PTPRK: variants seen among roughly 807,000 people sequenced by gnomAD.
PTPRK encodes protein tyrosine phosphatase receptor type K, also known as receptor-type tyrosine-protein phosphatase kappa.
A neutral mutation model predicts 178.0 loss-of-function variants in PTPRK; 75 were observed. The observed-to-expected ratio is 0.42, with a 90% CI of 0.35 to 0.51. PTPRK has a LOEUF of 0.51. Ranked by LOEUF, PTPRK falls within the 20% of genes least tolerant of loss-of-function variation. The pLI is 0.02. For synonymous variants in PTPRK, 637 were observed against 620.6 expected, an observed-to-expected ratio of 1.03 and a Z score of -0.39; for missense variants, 1,441 against 1,797.8, an observed-to-expected ratio of 0.80 and a Z score of 3.59.
rs796327188 is a variant in PTPRK at position 128,513,493 on chromosome 6, A to AAAAAGAAAGAAAG, written c.100+6765_100+6766insCTTTCTTTCTTTT. 2.7e-3 allele frequency among the ~76,000 whole-genome samples: 411 copies of AAAAAGAAAGAAAG among 150,284 alleles called. 4 individuals carry two copies. The highest frequency in any genetic ancestry group is 8.7e-3 in the African/African-American group (350 of 40,406). ...GCAAGACTCCATCTCCAAAAAAAAA[A>AAAAAGAAAGAAAG]AAAGAAAGAAAGAAAGAAAGAAATA... On this transcript the variant is annotated intron_variant, in intron 1 of 29. Transcript: ENST00000368226.
Position 127,969,534 on chromosome 6 carries a change from C to G in PTPRK, c.*693G>C, listed in dbSNP as rs963882128. 2 of 151,896 alleles carry G rather than the reference C, an allele frequency of 1.3e-5. No homozygotes were observed. The highest frequency in any genetic ancestry group is 4.8e-5 in the African/African-American group (2 of 41,364). 9.4% of individuals were successfully genotyped at this position (151,896 alleles called of 1,614,324 possible). ...CAATTGATTTTAGCTAAAGAAAAAG[C>G]TTTCTTCAGGAAAAAAAAGATGATT... On this transcript the variant is annotated 3_prime_UTR_variant, in exon 30 of 30. Coordinates refer to ENST00000368226, the MANE Select transcript of PTPRK (RefSeq NM_002844.4).
Position 128,067,680 on chromosome 6 carries a change from C to A in PTPRK, c.1996G>T (p.Ala666Ser). 6.2e-7 allele frequency: 1 copy of A among 1,613,768 alleles called. No homozygotes were observed. Residue 666 changes from alanine to serine, a missense_variant, in exon 12 of 30, where the codon GCA (alanine) becomes TCA (serine). Physicochemically the swap from Ala to Ser is moderately conservative, Grantham distance 99. Transcript: ENST00000368226. ...VTYQNAMSGG[A>S]PYYFAAELPP... ...AGTTCTGCAGCAAAGTAATACGGTG[C>A]ACCCCCACTCATGGCATTTTGGTAT...
chr6:127,986,586 T>A (rs74349749), intron 21 of PTPRK, among the ~76,000 whole-genome samples: 2,871 of 152,252 alleles, frequency 0.019, 91 homozygotes, highest in African/African-American at 0.066. Context: ...TTCCTTTTTT[T>A]AGAAGAAGTC....
At chr6:128,004,391 G>C (rs1033606587) in intron 15 of PTPRK, among the ~76,000 whole-genome samples, 4 of 151,754 alleles carry the variant, frequency 2.6e-5, no homozygotes, top group African/African-American at 7.2e-5. Flanking sequence ...ATTGATTCTG[G>C]GGTAATTATT....
At position 128,317,196 on chromosome 6, in the gene PTPRK, G is replaced by A. The variant is rs796767073; in HGVS notation, c.495+4843C>T. ...ACTATTTTACTAAAGACAAAAAATG[G>A]GAAATAATATTGCTCCACCACTACG... On this transcript the variant is annotated intron_variant, in intron 3 of 29. Coordinates refer to ENST00000368226, the MANE Select transcript of PTPRK (RefSeq NM_002844.4). Among the ~76,000 whole-genome samples, 3 of 152,040 alleles carry A rather than the reference G, an allele frequency of 2.0e-5. No homozygotes were observed. In the South Asian group the frequency reaches 6.2e-4, roughly 32 times the overall value.
chr6:128,114,961 C>T (rs1791248885), intron 7 of PTPRK, among the ~76,000 whole-genome samples: 1 of 151,736 alleles, frequency 6.6e-6, no homozygotes, highest in African/African-American at 2.4e-5. Flanking sequence ...TTTGTTTATA[C>T]ATGTGTCTTA....
chr6:128,067,801 A>G lies in PTPRK; in HGVS notation c.1884-9T>C, dbSNP rs763108860. ...CAACAATCTGATAAGCACTTTGGGG[A>G]AAAGAAAAAAAGAACACACATATAT... On this transcript the variant is annotated splice_polypyrimidine_tract_variant and intron_variant, in intron 11 of 29. Transcript: ENST00000368226. The G allele has an allele frequency of 1.0e-5, 16 of 1,561,220 alleles. No homozygotes were observed. The highest frequency in any genetic ancestry group is 1.4e-5 in the Non-Finnish European group (16 of 1,153,896).
At chr6:128,164,760 TAG>T (rs1799160570) in intron 7 of PTPRK, among the ~76,000 whole-genome samples, 1 of 150,606 alleles carries the variant, frequency 6.6e-6, no homozygotes, top group South Asian at 2.1e-4. Context: ...TATTGGAGGG[TAG>T]AAGAAAGGCC....
intron 5 of PTPRK, among the ~76,000 whole-genome samples, chr6:128,229,990 A>C (rs1017417697): frequency 6.6e-6 from 1 of 152,218 alleles, no homozygotes; most frequent in Non-Finnish European, 1.5e-5. Context: ...AAAAAATGAT[A>C]GAATATCACA....
chr6:128,082,775 G>T, intron 9 of PTPRK, 137 bp from the exon 10 acceptor site: 1 of 570,108 alleles, frequency 1.8e-6, no homozygotes, highest in Non-Finnish European at 2.9e-6. Flanking sequence ...TCTTTCTCAT[G>T]TTGATATTGT....
chr6:128,363,008 A>AC (rs1266463707), intron 2 of PTPRK, among the ~76,000 whole-genome samples: 1 of 152,148 alleles, frequency 6.6e-6, no homozygotes, highest in African/African-American at 2.4e-5. Context: ...TAGGAAGAAA[A>AC]AGAATCACTG....
chr6:128,091,950 T>A (rs1352914891), intron 7 of PTPRK, among the ~76,000 whole-genome samples: 1 of 152,110 alleles, frequency 6.6e-6, no homozygotes, highest in Non-Finnish European at 1.5e-5. Flanking sequence ...TATCTAAGAG[T>A]GGGCAAATGA....
intron 1 of PTPRK, among the ~76,000 whole-genome samples, chr6:128,498,529 G>A (rs933927747): frequency 6.6e-6 from 1 of 152,192 alleles, no homozygotes; most frequent in African/African-American, 2.4e-5. Flanking sequence ...GAGAACAGTG[G>A]CATCAATGCT....
intron 1 of PTPRK, among the ~76,000 whole-genome samples, chr6:128,467,665 C>T (rs1002999786): frequency 6.6e-6 from 1 of 152,226 alleles, no homozygotes; most frequent in African/African-American, 2.4e-5. Flanking sequence ...TTTCTTCCAA[C>T]CTTTCTGGCC....
intron 2 of PTPRK, among the ~76,000 whole-genome samples, chr6:128,354,231 GTTTTTTTT>G (rs756148554): frequency 4.1e-5 from 2 of 49,358 alleles, no homozygotes; most frequent in Non-Finnish European, 6.5e-5. Flanking sequence ...TTTTGTTTAT[GTTTTTTTT>G]TTTTTTTTTT....
chr6:128,304,518 C>T (rs1272496806), intron 3 of PTPRK, among the ~76,000 whole-genome samples: 2 of 152,146 alleles, frequency 1.3e-5, no homozygotes, highest in Non-Finnish European at 2.9e-5. Flanking sequence ...GAAAGGCTCA[C>T]TAAGAACCCT....
rs531034511 is a variant in PTPRK at position 128,103,233 on chromosome 6, C to T, written c.1163-13241G>A. ...CCAAACTCCAGGGGAAGATCATCTT[C>T]CCACTCCACCCCCTTTCCGGGTCCC... is the stretch of plus-strand genomic sequence containing the variant. On this transcript the variant is annotated intron_variant, in intron 7 of 29. Coordinates refer to ENST00000368226, the MANE Select transcript of PTPRK (RefSeq NM_002844.4). Among the ~76,000 whole-genome samples the T allele has an allele frequency of 6.6e-5, 10 of 152,188 alleles. No homozygotes were observed. In the South Asian group the frequency reaches 1.5e-3, roughly 22 times the overall value.
At chr6:128,277,534 A>G (rs1367446871) in intron 3 of PTPRK, among the ~76,000 whole-genome samples, 2 of 152,176 alleles carry the variant, frequency 1.3e-5, no homozygotes, top group Non-Finnish European at 2.9e-5. Context: ...CCAAAACAAT[A>G]TTCCTGCTGA....
intron 21 of PTPRK, among the ~76,000 whole-genome samples, chr6:127,987,437 T>C (rs1007354067): frequency 2.0e-5 from 3 of 152,134 alleles, no homozygotes; most frequent in Admixed American, 6.6e-5. Flanking sequence ...AATCAGGAAC[T>C]ATATCGTTCT....
Sources: gnomAD v4.1 joint callset for allele counts (sites outside exome capture counted in the v4.1 genomes callset) on GRCh38, gnomAD v4.1.1 for gene constraint, MANE v1.5 for transcripts, NCBI Gene and HGNC (gene_info 2026-07-23, HGNC 2026-07-21) for gene names.